NMNAT3: variants seen among roughly 807,000 people sequenced by gnomAD.
The protein encoded by NMNAT3 is nicotinamide nucleotide adenylyltransferase 3, also known as nicotinamide/nicotinic acid mononucleotide adenylyltransferase 3.
Under a neutral mutation model 24.8 loss-of-function variants are expected in NMNAT3, and 21 were observed. That is an observed-to-expected ratio of 0.85 (90% CI 0.60 to 1.22). The LOEUF (loss-of-function observed/expected upper bound fraction) is 1.22, where lower values mean the gene tolerates loss of function less well. Among genes scored for constraint, NMNAT3 ranks in the 50% most tolerant of loss-of-function variants. The pLI is 0.00. For missense variants in NMNAT3, 387 were observed against 436.6 expected, an observed-to-expected ratio of 0.89 and a Z score of 1.01; for synonymous variants, 136 against 155.2, an observed-to-expected ratio of 0.88 and a Z score of 0.92.
At chr3:139,564,809 C>G (rs976127625) in intron 6 of NMNAT3, among the ~76,000 whole-genome samples, 1 of 152,204 alleles carries the variant, frequency 6.6e-6, no homozygotes, top group African/African-American at 2.4e-5. Context: ...ATTCCACCTT[C>G]CTGTTTTTAA....
chr3:139,658,573 C>T (rs2057317730), intron 1 of NMNAT3, among the ~76,000 whole-genome samples: 1 of 152,208 alleles, frequency 6.6e-6, no homozygotes, highest in South Asian at 2.1e-4. Context: ...TTAAAGTGAA[C>T]ATCTGGATAT....
chr3:139,631,546 G>A lies in NMNAT3; in HGVS notation c.-40-3782C>T, dbSNP rs544745129. On this transcript the variant is annotated intron_variant, in intron 2 of 6. Transcript: ENST00000643695. ...TAATGGAGGCCAGAGAGTGATAATT[G>A]CAGCTGAAGGATTTAACAAGTTGAG... Among the ~76,000 whole-genome samples the A allele has an allele frequency of 5.9e-5, 9 of 152,264 alleles. No individual in the cohort carries two copies. In the East Asian group the frequency reaches 1.7e-3, roughly 29 times the overall value.
intron 3 of NMNAT3, among the ~76,000 whole-genome samples, chr3:139,609,198 T>C (rs2055081159): frequency 6.6e-6 from 1 of 152,250 alleles, no homozygotes; most frequent in South Asian, 2.1e-4. Flanking sequence ...GATGAACGTT[T>C]GTGTACAGGT....
chr3:139,599,290 C>A, intron 3 of NMNAT3: 1 of 702,024 alleles, frequency 1.4e-6, no homozygotes, highest in South Asian at 1.5e-5. Flanking sequence ...ACTAATTTGC[C>A]TCTTCCCTTT....
intron 2 of NMNAT3, among the ~76,000 whole-genome samples, chr3:139,631,771 T>C (rs1415516791): frequency 6.6e-6 from 1 of 152,066 alleles, no homozygotes; most frequent in African/African-American, 2.4e-5. Flanking sequence ...ATCCTGATGA[T>C]CTGCCTTCAA....
chr3:139,564,879 A>G (rs1345083097), intron 6 of NMNAT3, among the ~76,000 whole-genome samples: 2 of 152,230 alleles, frequency 1.3e-5, no homozygotes, highest in Non-Finnish European at 2.9e-5. Context: ...GAATGTATGG[A>G]AAATATGTAA....
chr3:139,627,742 C>A lies in NMNAT3; in HGVS notation c.-18G>T. On this transcript the variant is annotated 5_prime_UTR_variant, in exon 3 of 7. Transcript: ENST00000643695. ...CTCTTCATCTTGTCAGGCACATCCA[C>A]ACCTGTTGCAGTGGCCACCCTGCTT... The A allele has an allele frequency of 1.3e-6, 2 of 1,531,936 alleles. No homozygotes were observed. Among genetic ancestry groups the A allele is most frequent in the Non-Finnish European group, 1.8e-6 (2 of 1,132,478 alleles). The allele number at this position is 1,531,936 out of a possible 1,614,324, so 94.9% of individuals were successfully genotyped here. A position where few individuals can be genotyped will look rare whatever the true frequency, so the allele number is the denominator to read the frequency against.
At position 139,627,616 on chromosome 3, in the gene NMNAT3, C is replaced by A; in HGVS notation, c.109G>T (p.Glu37Ter). The change falls in exon 3 of 7, where the codon GAA becomes TAA. Residue 37 changes from glutamate (E) to a stop codon, truncating the protein, a stop_gained and splice_region_variant. Coordinates refer to ENST00000643695, the MANE Select transcript of NMNAT3 (RefSeq NM_001320510.2). LOFTEE classifies it high-confidence loss of function. Reference sequence around the variant, plus strand: ...TTGGACTCAGGGCCCCCTGACTGACCTGTTTGGTGTAGGTGATCTCTGGCC... The same window carrying A: ...TTGGACTCAGGGCCCCCTGACTGACATGTTTGGTGTAGGTGATCTCTGGCC... 2 of 1,572,478 alleles carry A rather than the reference C, an allele frequency of 1.3e-6. No individual in the cohort carries two copies. Among genetic ancestry groups the A allele is most frequent in the Admixed American group, 1.7e-5 (1 of 57,910 alleles).
intron 6 of NMNAT3, among the ~76,000 whole-genome samples, chr3:139,562,944 ACT>A (rs1423081577): frequency 6.6e-6 from 1 of 151,950 alleles, no homozygotes; most frequent in Non-Finnish European, 1.5e-5. Context: ...ACAAACTAAG[ACT>A]CTAGAGCCAG....
At chr3:139,592,299 C>A (rs1362170357) in intron 3 of NMNAT3, among the ~76,000 whole-genome samples, 2 of 152,160 alleles carry the variant, frequency 1.3e-5, no homozygotes, top group Non-Finnish European at 2.9e-5. Flanking sequence ...AGCAAAGTGT[C>A]CAAGAAATAT....
chr3:139,587,590 C>A (rs1296716984), intron 3 of NMNAT3, among the ~76,000 whole-genome samples: 2 of 152,106 alleles, frequency 1.3e-5, no homozygotes, highest in Non-Finnish European at 2.9e-5. Context: ...TAATAACTAA[C>A]CTGTAAAAGA....
intron 3 of NMNAT3, among the ~76,000 whole-genome samples, chr3:139,595,414 C>T (rs2054402188): frequency 6.6e-6 from 1 of 152,140 alleles, no homozygotes; most frequent in Non-Finnish European, 1.5e-5. Flanking sequence ...TCAATGCCAT[C>T]CCCATCAAGC....
intron 1 of NMNAT3, among the ~76,000 whole-genome samples, chr3:139,646,927 T>C (rs2056891186): frequency 6.6e-6 from 1 of 152,238 alleles, no homozygotes; most frequent in Non-Finnish European, 1.5e-5. Flanking sequence ...CTAAGCAGTG[T>C]GCACTTCTCC....
chr3:139,640,276 T>C (rs890773902), intron 1 of NMNAT3, among the ~76,000 whole-genome samples: 3 of 152,148 alleles, frequency 2.0e-5, no homozygotes, highest in African/African-American at 7.2e-5. Context: ...AAAAGCAGCC[T>C]GATTGGGGGA....
chr3:139,573,313 C>T (rs1262050117), intron 6 of NMNAT3, among the ~76,000 whole-genome samples: 1 of 152,088 alleles, frequency 6.6e-6, no homozygotes, highest in Non-Finnish European at 1.5e-5. Flanking sequence ...CCTGTGTGAC[C>T]CTGACTATAA....
At chr3:139,615,936 C>T (rs1049449811) in intron 3 of NMNAT3, among the ~76,000 whole-genome samples, 1 of 152,118 alleles carries the variant, frequency 6.6e-6, no homozygotes, top group African/African-American at 2.4e-5. Flanking sequence ...CCCAGGGCTG[C>T]TTGTCTCAAT....
chr3:139,560,873 C>T lies in NMNAT3; in HGVS notation c.*137G>A, dbSNP rs182018958. ...GTATCTCTTCCTGGGACAGAAGACT[C>T]CTCAGAAGTAGAATCACTGTAGAAA... On this transcript the variant is annotated 3_prime_UTR_variant, in exon 7 of 7. Transcript: ENST00000643695. 1.2e-4 allele frequency: 102 copies of T among 828,040 alleles called. No homozygotes were observed. Among genetic ancestry groups the T allele is most frequent in the Non-Finnish European group, 9.6e-6 (5 of 522,504 alleles). The allele number at this position is 828,040 out of a possible 1,614,324, so 51.3% of individuals were successfully genotyped here. A position where few individuals can be genotyped will look rare whatever the true frequency, so the allele number is the denominator to read the frequency against.
intron 1 of NMNAT3, among the ~76,000 whole-genome samples, chr3:139,659,282 G>C (rs1053358423): frequency 6.6e-6 from 1 of 152,180 alleles, no homozygotes; most frequent in Non-Finnish European, 1.5e-5. Flanking sequence ...GATCAGAGGT[G>C]CTCAAAGTTA....
chr3:139,639,564 G>T (rs2056627328), intron 1 of NMNAT3, among the ~76,000 whole-genome samples: 1 of 152,152 alleles, frequency 6.6e-6, no homozygotes, highest in African/African-American at 2.4e-5. Flanking sequence ...GAAGCCCAGG[G>T]ATCTTCTCCC....
Sources: allele counts gnomAD v4.1 joint callset (sites outside exome capture counted in the v4.1 genomes callset), GRCh38; gene constraint gnomAD v4.1.1; transcripts MANE v1.5; gene names NCBI Gene and HGNC (gene_info 2026-07-23, HGNC 2026-07-21).